The following SNTG1 variants were observed in gnomAD, a reference collection of about 807,000 sequenced individuals.
SNTG1 encodes syntrophin gamma 1, also known as gamma-1-syntrophin.
Under a neutral mutation model 74.7 loss-of-function variants are expected in SNTG1, and 39 were observed. That is an observed-to-expected ratio of 0.52 (90% CI 0.40 to 0.68). SNTG1 has a LOEUF of 0.68. Among genes scored for constraint, SNTG1 ranks in the 30% least tolerant of loss-of-function variants. SNTG1 has a pLI of 0.00. For synonymous variants in SNTG1, 254 were observed against 217.1 expected, an observed-to-expected ratio of 1.17 and a Z score of -1.49; for missense variants, 685 against 609.5, an observed-to-expected ratio of 1.12 and a Z score of -1.30.
At chr8:50,158,150 A>C (rs1269815004) in intron 1 of SNTG1, among the ~76,000 whole-genome samples, 1 of 152,158 alleles carries the variant, frequency 6.6e-6, no homozygotes, top group Non-Finnish European at 1.5e-5. Flanking sequence ...TCTACTAAGC[A>C]GTAAAGGGTT....
At chr8:50,359,176 G>A (rs992547062) in intron 2 of SNTG1, among the ~76,000 whole-genome samples, 1 of 152,070 alleles carries the variant, frequency 6.6e-6, no homozygotes, top group African/African-American at 2.4e-5. Context: ...CCCAAAATAG[G>A]CATGCCATTT....
intron 2 of SNTG1, among the ~76,000 whole-genome samples, chr8:50,176,819 A>G (rs1273148462): frequency 1.3e-5 from 2 of 152,184 alleles, no homozygotes; most frequent in African/African-American, 2.4e-5. Context: ...CTACACTTAA[A>G]AATAGTCCCT....
chr8:50,526,178 C>T (rs573627150), intron 9 of SNTG1, among the ~76,000 whole-genome samples: 1 of 152,272 alleles, frequency 6.6e-6, no homozygotes, highest in South Asian at 2.1e-4. Context: ...CTGAACTCTT[C>T]TGTGTTCTCT....
At chr8:50,308,879 T>G (rs1278844351) in intron 2 of SNTG1, among the ~76,000 whole-genome samples, 1 of 152,054 alleles carries the variant, frequency 6.6e-6, no homozygotes, top group Admixed American at 6.6e-5. Context: ...CAGAGCTAGA[T>G]AGTTATACAA....
chr8:50,177,973 T>C (rs566118546), intron 2 of SNTG1, among the ~76,000 whole-genome samples: 5 of 152,326 alleles, frequency 3.3e-5, no homozygotes, highest in South Asian at 2.1e-4. Context: ...CTACAGTAGA[T>C]AGCCTTTCAG....
intron 2 of SNTG1, among the ~76,000 whole-genome samples, chr8:50,217,487 T>C (rs535432098): frequency 1.3e-5 from 2 of 152,244 alleles, no homozygotes; most frequent in Admixed American, 6.6e-5. Context: ...TGTGCTGTCA[T>C]GTAATGTTCT....
intron 2 of SNTG1, among the ~76,000 whole-genome samples, chr8:50,344,446 G>A (rs1377645768): frequency 1.3e-5 from 2 of 152,050 alleles, no homozygotes; most frequent in Non-Finnish European, 2.9e-5. Flanking sequence ...TGTTTTTCAG[G>A]GATTCCACAC....
chr8:50,475,561 G>A (rs967693500), intron 8 of SNTG1, among the ~76,000 whole-genome samples: 3 of 152,122 alleles, frequency 2.0e-5, no homozygotes, highest in Non-Finnish European at 4.4e-5. Context: ...GCATGCTATA[G>A]TAGATCCCAG....
intron 8 of SNTG1, among the ~76,000 whole-genome samples, chr8:50,486,583 A>C (rs1461720772): frequency 3.4e-4 from 44 of 130,744 alleles, no homozygotes; most frequent in Admixed American, 9.0e-4. Flanking sequence ...ATATACAATC[A>C]TGTCGTCTGC....
At chr8:50,733,159 C>T (rs888721107) in intron 17 of SNTG1, among the ~76,000 whole-genome samples, 6 of 151,848 alleles carry the variant, frequency 4.0e-5, no homozygotes, top group Non-Finnish European at 8.8e-5. Context: ...GTTTAGCTCT[C>T]CTTACAAATG....
intron 1 of SNTG1, among the ~76,000 whole-genome samples, chr8:50,059,226 A>G (rs1820276861): frequency 6.6e-6 from 1 of 152,104 alleles, no homozygotes; most frequent in Non-Finnish European, 1.5e-5. Flanking sequence ...AATTTTTTAT[A>G]TAAAATAAGT....
chr8:50,571,063 C>T (rs1303271464), intron 12 of SNTG1, among the ~76,000 whole-genome samples: 2 of 152,140 alleles, frequency 1.3e-5, no homozygotes, highest in Non-Finnish European at 2.9e-5. Context: ...TAGTTTCCTT[C>T]CCTCTGCCTC....
intron 2 of SNTG1, among the ~76,000 whole-genome samples, chr8:50,232,821 A>G (rs1424248493): frequency 6.6e-6 from 1 of 151,582 alleles, no homozygotes; most frequent in Non-Finnish European, 1.5e-5. Flanking sequence ...AAATTCCAAT[A>G]TTACTTACAA....
intron 2 of SNTG1, among the ~76,000 whole-genome samples, chr8:50,213,691 AT>A (rs2084633308): frequency 6.6e-6 from 1 of 151,420 alleles, no homozygotes; most frequent in Admixed American, 6.6e-5. Context: ...GATGGTGAGC[AT>A]TTTTTCATGT....
chr8:50,734,494 A>G (rs1450966272), intron 17 of SNTG1, among the ~76,000 whole-genome samples: 1 of 150,932 alleles, frequency 6.6e-6, no homozygotes, highest in Non-Finnish European at 1.5e-5. Flanking sequence ...TTATTGACAT[A>G]TCTATGATTT....
intron 13 of SNTG1, among the ~76,000 whole-genome samples, chr8:50,611,551 T>C (rs997214491): frequency 2.0e-4 from 31 of 152,202 alleles, no homozygotes; most frequent in African/African-American, 7.5e-4. Context: ...TGATATTTAT[T>C]CTATTATACA....
At chr8:50,259,522 AAGAAAGAAAGAAAGAAAGAAAG>A (rs2087066827) in intron 2 of SNTG1, among the ~76,000 whole-genome samples, 1 of 10,264 alleles carries the variant, frequency 9.7e-5, no homozygotes, top group African/African-American at 1.2e-4. Context: ...GAAAGAAAGA[AAGAAAGAAAGAAAGAAAGAAAG>A]AAAGAAAGAA....
chr8:50,381,818 A>G (rs903353263), intron 2 of SNTG1: 1 of 138,062 alleles, frequency 7.2e-6, no homozygotes, highest in East Asian at 2.0e-4. Flanking sequence ...GTAGCTATAT[A>G]TATAACATAT....
intron 3 of SNTG1, among the ~76,000 whole-genome samples, chr8:50,394,847 T>TTA: frequency 4.8e-5 from 1 of 20,962 alleles, no homozygotes; most frequent in Non-Finnish European, 8.0e-5. Context: ...AAAAACTAAC[T>TTA]TTTTTTTTTT....
Sources: gnomAD v4.1 joint callset for allele counts (sites outside exome capture counted in the v4.1 genomes callset) on GRCh38, gnomAD v4.1.1 for gene constraint, MANE v1.5 for transcripts, NCBI Gene and HGNC (gene_info 2026-07-23, HGNC 2026-07-21) for gene names.